Variants in CDH1 observed in about 807,000 individuals in gnomAD.
CDH1 encodes the protein cadherin 1.
CDH1 carries 35 observed loss-of-function variants against 84.5 expected under a neutral mutation model. That is an observed-to-expected ratio of 0.41 (90% CI 0.32 to 0.55). The LOEUF is 0.55. CDH1 is among the 20% of genes least tolerant of loss of function. CDH1 has a pLI of 0.19. For missense variants in CDH1, 994 were observed against 1,126.6 expected (o/e 0.88, Z 1.68); for synonymous variants, 417 against 439.0 (o/e 0.95, Z 0.63).
intron 15 of CDH1, 62 bp downstream of exon 15, chr16:68,829,859 C>CA: frequency 6.5e-7 from 1 of 1,530,258 alleles, no homozygotes; most frequent in Non-Finnish European, 9.0e-7. Flanking sequence ...GGAGTTGTGT[C>CA]AAAAATGAGA....
chr16:68,824,005 T>TTTTTTTTTC (rs1295200392), intron 13 of CDH1, among the ~76,000 whole-genome samples: 4 of 148,046 alleles, frequency 2.7e-5, no homozygotes, highest in African/African-American at 1.0e-4. Flanking sequence ...TTTTTTTTTT[T>TTTTTTTTTC]TTTTTTTTTG....
chr16:68,752,020 CG>C (rs1288244433), intron 2 of CDH1, among the ~76,000 whole-genome samples: 3 of 149,896 alleles, frequency 2.0e-5, no homozygotes, highest in Non-Finnish European at 3.0e-5. Context: ...GGCTTGATCT[CG>C]GCTCACTGCA....
At chr16:68,783,577 C>G (rs1423641368) in intron 2 of CDH1, among the ~76,000 whole-genome samples, 1 of 152,176 alleles carries the variant, frequency 6.6e-6, no homozygotes, top group Non-Finnish European at 1.5e-5. Flanking sequence ...AGCCTATTCC[C>G]TATCCCATTT....
In CDH1 at chr16:68,811,681, C is replaced by T. The variant is rs587782839; in HGVS notation, c.833-3C>T. 3.1e-6 allele frequency: 5 copies of T among 1,613,600 alleles called. No homozygotes were observed. In the African/African-American group the frequency reaches 6.7e-5, roughly 22 times the overall value. On this transcript the variant is annotated splice_region_variant and splice_polypyrimidine_tract_variant and intron_variant, in intron 6 of 15. Coordinates refer to ENST00000261769, the MANE Select transcript of CDH1 (RefSeq NM_004360.5). ...AAACCTTCATCTCCTTGAACTCTTCCAGGAACCTCTGTGATGGAGGTCACA... is the reference window on the plus strand; with the variant it reads ...AAACCTTCATCTCCTTGAACTCTTCTAGGAACCTCTGTGATGGAGGTCACA...
chr16:68,812,146 G>T lies in CDH1; in HGVS notation c.1020G>T (p.Thr340=), dbSNP rs61747632. The T allele has an allele frequency of 6.2e-7, 1 of 1,614,084 alleles. No individual in the cohort carries two copies. Among genetic ancestry groups the T allele is most frequent in the Non-Finnish European group, 8.5e-7 (1 of 1,179,994 alleles). Reference sequence around the variant, plus strand: ...CGATCTCTCTGCAGAGTTTCCCTACGTATACCCTGGTGGTTCAAGCTGCTG... The same window carrying T: ...CGATCTCTCTGCAGAGTTTCCCTACTTATACCCTGGTGGTTCAAGCTGCTG... ...TTGLDRESFP[T]YTLVVQAADL... Residue 340 remains threonine, a synonymous_variant, in exon 8 of 16, where the codon ACG becomes ACT. Coordinates refer to ENST00000261769, the MANE Select transcript of CDH1 (RefSeq NM_004360.5).
At chr16:68,764,205 C>T (rs1799844324) in intron 2 of CDH1, among the ~76,000 whole-genome samples, 1 of 152,172 alleles carries the variant, frequency 6.6e-6, no homozygotes. Context: ...TGGATCATGT[C>T]TACATCTTTC....
At chr16:68,822,844 A>G (rs550520439) in intron 12 of CDH1, 9 of 236,814 alleles carry the variant, frequency 3.8e-5, no homozygotes, top group Non-Finnish European at 6.6e-5. Context: ...AGCCATGTAA[A>G]GATGAATGGG....
chr16:68,775,225 A>G (rs1959697312), intron 2 of CDH1, among the ~76,000 whole-genome samples: 1 of 152,138 alleles, frequency 6.6e-6, no homozygotes, highest in Non-Finnish European at 1.5e-5. Flanking sequence ...GCGTCCGAGC[A>G]TGCACTTTAT....
At chr16:68,826,167 A>G (rs1012419812) in intron 13 of CDH1, among the ~76,000 whole-genome samples, 1 of 151,690 alleles carries the variant, frequency 6.6e-6, no homozygotes, top group African/African-American at 2.4e-5. Flanking sequence ...TTTTTTTTAA[A>G]TAGGATTACC....
chr16:68,742,303 G>A (rs924691101), intron 2 of CDH1, among the ~76,000 whole-genome samples: 2 of 150,580 alleles, frequency 1.3e-5, no homozygotes, highest in Non-Finnish European at 3.0e-5. Flanking sequence ...TTTTTGAGAC[G>A]GAGTCTCGCT....
chr16:68,794,685 CTTTTTTT>C (rs34110311), intron 2 of CDH1, among the ~76,000 whole-genome samples: 1 of 126,446 alleles, frequency 7.9e-6, no homozygotes, highest in African/African-American at 3.0e-5. Context: ...GCCGGGCTAA[CTTTTTTT>C]TTTTTTTTTT....
At chr16:68,795,519 C>T (rs1328399334) in intron 2 of CDH1, among the ~76,000 whole-genome samples, 1 of 150,866 alleles carries the variant, frequency 6.6e-6, no homozygotes, top group Non-Finnish European at 1.5e-5. Flanking sequence ...GAGATGGAGT[C>T]TTTTTTGCTC....
rs1961433736 is a variant in CDH1, at chr16:68,829,778, T to C, written c.2420T>C (p.Ile807Thr). The C allele has an allele frequency of 1.2e-6, 2 of 1,613,772 alleles. No individual in the cohort carries two copies. Among genetic ancestry groups the C allele is most frequent in the Non-Finnish European group, 1.7e-6 (2 of 1,179,954 alleles). The change falls in exon 15 of 16, where the codon ATT (isoleucine) becomes ACT (threonine). Residue 807 changes from isoleucine (I) to threonine (T), a missense_variant. Physicochemically the swap from Ile to Thr is moderately conservative, Grantham distance 89. Coordinates refer to ENST00000261769, the MANE Select transcript of CDH1 (RefSeq NM_004360.5). ...CCCCGCCCTGCCAATCCCGATGAAA[T>C]TGGAAATTTTATTGATGAAGTAAGT... is the stretch of plus-strand genomic sequence containing the variant. ...YLPRPANPDE[I>T]GNFIDENLKA...
In CDH1 at chr16:68,834,838, CG is replaced by C. The variant is rs746056133; in HGVS notation, c.*1341del. 4 of 232,136 alleles carry C rather than the reference CG, an allele frequency of 1.7e-5. No homozygotes were observed. Among genetic ancestry groups the C allele is most frequent in the Non-Finnish European group, 2.6e-5 (3 of 117,154 alleles). The allele number at this position is 232,136 out of a possible 1,614,324, so 14.4% of individuals were successfully genotyped here. On this transcript the variant is annotated 3_prime_UTR_variant, in exon 16 of 16. Coordinates refer to ENST00000261769, the MANE Select transcript of CDH1 (RefSeq NM_004360.5). Reference sequence around the variant, plus strand: ...TAAAGTGCTGCAGCCAAAGACAGAGCGGAACTATGAAAAGTGGGCTTGGAGA... The same window carrying C: ...TAAAGTGCTGCAGCCAAAGACAGAGCGAACTATGAAAAGTGGGCTTGGAGA...
chr16:68,756,599 C>T (rs13333528), intron 2 of CDH1, among the ~76,000 whole-genome samples: 34,344 of 152,054 alleles, frequency 0.23, 4,419 homozygotes, highest in East Asian at 0.28. Flanking sequence ...GTTCATGTGG[C>T]TGGTTTCATT....
chr16:68,821,931 G>T (rs1961153587), intron 11 of CDH1, 70 bp from the exon 12 acceptor site: 1 of 1,213,654 alleles, frequency 8.2e-7, no homozygotes, highest in Non-Finnish European at 1.2e-6. Context: ...TCTAGACTTG[G>T]TCTGGTGGAA....
In CDH1 at chr16:68,810,241, T is replaced by C. The variant is rs774408716; in HGVS notation, c.732T>C (p.Asp244=). 1.2e-6 allele frequency: 2 copies of C among 1,614,116 alleles called. No homozygotes were observed. Among genetic ancestry groups the C allele is most frequent in the South Asian group, 1.1e-5 (1 of 91,082 alleles). ...AVSSNGNAVE[D]PMEILITVTD... The stretch of plus-strand genomic sequence containing the variant: ...CATCCAACGGGAATGCAGTTGAGGA[T>C]CCAATGGAGATTTTGATCACGGTAA... The change falls in exon 6 of 16, where the codon GAT becomes GAC. Residue 244 remains aspartate, a synonymous_variant. Coordinates refer to ENST00000261769, the MANE Select transcript of CDH1 (RefSeq NM_004360.5).
intron 2 of CDH1, among the ~76,000 whole-genome samples, chr16:68,761,249 C>T (rs1567482857): frequency 6.6e-6 from 1 of 152,218 alleles, no homozygotes; most frequent in Non-Finnish European, 1.5e-5. Flanking sequence ...TGCCCTCCCG[C>T]TGCCTGGGGC....
chr16:68,739,009 A>G (rs182826668), intron 2 of CDH1, among the ~76,000 whole-genome samples: 58 of 123,956 alleles, frequency 4.7e-4, no homozygotes, highest in African/African-American at 1.6e-3. Flanking sequence ...GTGCAGTGGC[A>G]CAATCATAGC....
Sources: allele counts gnomAD v4.1 joint callset (sites outside exome capture counted in the v4.1 genomes callset), GRCh38; gene constraint gnomAD v4.1.1; transcripts MANE v1.5; gene names NCBI Gene and HGNC (gene_info 2026-07-23, HGNC 2026-07-21).